The following ABCC12 variants were observed in gnomAD, a reference collection of about 807,000 sequenced individuals.
ABCC12 encodes ATP binding cassette subfamily C member 12.
A neutral mutation model predicts 151.1 loss-of-function variants in ABCC12; 142 were observed. The observed-to-expected ratio is 0.94, with a 90% CI of 0.82 to 1.08. The LOEUF is 1.08. ABCC12 is among the 50% of genes least tolerant of loss of function. The probability of loss-of-function intolerance (pLI) is 0.00; values close to 1 mark genes in which losing one functional copy is unlikely to be tolerated. For missense variants in ABCC12, 1,638 were observed against 1,691.1 expected, an observed-to-expected ratio of 0.97 and a Z score of 0.55; for synonymous variants, 645 against 646.4, an observed-to-expected ratio of 1.00 and a Z score of 0.03.
chr16:48,094,718 C>A (rs1963031600), intron 24 of ABCC12, among the ~76,000 whole-genome samples: 1 of 152,112 alleles, frequency 6.6e-6, no homozygotes, highest in South Asian at 2.1e-4. Flanking sequence ...CTGAATAGTC[C>A]CCTGCATAAA....
At chr16:48,123,032 A>C (rs1489109827) in intron 12 of ABCC12, among the ~76,000 whole-genome samples, 1 of 152,228 alleles carries the variant, frequency 6.6e-6, no homozygotes, top group African/African-American at 2.4e-5. Context: ...CTGCTTCCCC[A>C]GTGACCACAG....
chr16:48,091,061 T>C, intron 25 of ABCC12, 59 bp downstream of exon 25: 2 of 1,528,716 alleles, frequency 1.3e-6, no homozygotes, highest in Non-Finnish European at 1.8e-6. Context: ...AGATCCAGTA[T>C]TTGCCCAAGT....
Position 48,084,088 on chromosome 16 carries a change from A to G in ABCC12, c.3829-15T>C. ...AGGAGAATGATCTGTGGAGGAGGAA[A>G]CATTATAAGCCAAAGGCGCACTGAG... On this transcript the variant is annotated splice_polypyrimidine_tract_variant and intron_variant, in intron 29 of 30. Transcript: ENST00000311303. 1 of 1,598,074 alleles carries G rather than the reference A, an allele frequency of 6.3e-7. No individual in the cohort carries two copies.
At chr16:48,115,658 C>T in intron 14 of ABCC12, 40 bp from the exon 15 acceptor site, 5 of 1,572,640 alleles carry the variant, frequency 3.2e-6, no homozygotes, top group East Asian at 2.3e-5. Flanking sequence ...TGTCAGCCCA[C>T]CCTGAAGTTC....
chr16:48,152,873 C>A (rs1965135468), intron 2 of ABCC12, among the ~76,000 whole-genome samples: 1 of 152,134 alleles, frequency 6.6e-6, no homozygotes, highest in Middle Eastern at 3.2e-3. Context: ...GAGGAAACAT[C>A]CCAGATTAAA....
Position 48,138,234 on chromosome 16 carries a change from T to A in ABCC12, c.973A>T (p.Ile325Phe). 9 of 1,607,854 alleles carry A rather than the reference T, an allele frequency of 5.6e-6. No individual in the cohort carries two copies. Among genetic ancestry groups the A allele is most frequent in the Non-Finnish European group, 7.7e-6 (9 of 1,175,166 alleles). Residue 325 changes from isoleucine to phenylalanine, a missense_variant, in exon 8 of 31, where the codon ATC becomes TTC. Ile to Phe is a conservative substitution (Grantham distance 21, BLOSUM62 0). Coordinates refer to ENST00000311303, the MANE Select transcript of ABCC12 (RefSeq NM_001393797.1). ...YAWEKSFTNTIQDIRRRERKL... is the reference protein window; with the variant it reads ...YAWEKSFTNTFQDIRRRERKL... ...GCAGCTACTCTTGTCCTACCTTGGATAGTGTTGGTAAAAGATTTCTCCCAG... is the reference window on the plus strand; with the variant it reads ...GCAGCTACTCTTGTCCTACCTTGGAAAGTGTTGGTAAAAGATTTCTCCCAG...
chr16:48,111,732 G>T (rs1194673867), intron 16 of ABCC12, 44 bp downstream of exon 16: 4 of 1,613,958 alleles, frequency 2.5e-6, no homozygotes, highest in African/African-American at 1.3e-5. Context: ...AATCCTGAGG[G>T]ATTCCGCCCC....
chr16:48,105,657 G>A (rs1963468358), intron 20 of ABCC12, among the ~76,000 whole-genome samples: 2 of 152,214 alleles, frequency 1.3e-5, no homozygotes, highest in Non-Finnish European at 2.9e-5. Context: ...AAGCAATGCT[G>A]GGCTGGGAAG....
chr16:48,144,373 T>A (rs1964928639), intron 3 of ABCC12, among the ~76,000 whole-genome samples: 1 of 152,162 alleles, frequency 6.6e-6, no homozygotes, highest in African/African-American at 2.4e-5. Context: ...ATCACTTCCT[T>A]TTTTTGTTCT....
rs1964783949 is a variant in ABCC12, at chr16:48,140,880, G to T, written c.464C>A (p.Thr155Asn). 6.8e-6 allele frequency: 11 copies of T among 1,614,144 alleles called. No individual in the cohort carries two copies. The highest frequency in any genetic ancestry group is 9.3e-6 in the Non-Finnish European group (11 of 1,180,030). Reference protein sequence around the residue: ...IHQILQQTERTSGKVWVGIGL... With the variant: ...IHQILQQTERNSGKVWVGIGL... ...AATGCCAACCCAGACTTTCCCAGAG[G>T]TCCTCTCAGTCTGCTGGAGGATTTG... Residue 155 changes from threonine (T) to asparagine (N), a missense_variant, in exon 6 of 31, where the codon ACC becomes AAC. Physicochemically the swap from Thr to Asn is moderately conservative, Grantham distance 65 (BLOSUM62 0). Coordinates refer to ENST00000311303, the MANE Select transcript of ABCC12 (RefSeq NM_001393797.1).
At chr16:48,117,358 G>C (rs972224336) in intron 13 of ABCC12, 25 bp from the exon 14 acceptor site, 1 of 1,611,472 alleles carries the variant, frequency 6.2e-7, no homozygotes. Flanking sequence ...CTCAGAAGTA[G>C]CTGGGTGAGA....
intron 2 of ABCC12, among the ~76,000 whole-genome samples, chr16:48,148,011 G>A (rs965081363): frequency 1.1e-4 from 17 of 151,920 alleles, no homozygotes; most frequent in African/African-American, 3.1e-4. Flanking sequence ...GCAGTGGTGC[G>A]ATCTTGGCTA....
intron 7 of ABCC12, among the ~76,000 whole-genome samples, chr16:48,138,657 T>A (rs1431124353): frequency 6.6e-6 from 1 of 152,132 alleles, no homozygotes; most frequent in Non-Finnish European, 1.5e-5. Flanking sequence ...GCATTCAAAT[T>A]CAAGCTTTTT....
intron 8 of ABCC12, 48 bp from the exon 9 acceptor site, chr16:48,133,883 CA>C: frequency 6.2e-7 from 1 of 1,607,260 alleles, no homozygotes; most frequent in East Asian, 2.2e-5. Flanking sequence ...GCATGTCGAA[CA>C]CTAGCATTAT....
intron 14 of ABCC12, among the ~76,000 whole-genome samples, 199 bp downstream of exon 14, chr16:48,117,062 A>G (rs1963907037): frequency 6.6e-6 from 1 of 152,216 alleles, no homozygotes; most frequent in Non-Finnish European, 1.5e-5. Flanking sequence ...AACACCAGTA[A>G]GCTTGGTGCC....
chr16:48,132,443 G>A (rs553559243), intron 9 of ABCC12, among the ~76,000 whole-genome samples: 1 of 152,256 alleles, frequency 6.6e-6, no homozygotes, highest in South Asian at 2.1e-4. Context: ...CTTTGCAAAC[G>A]TCACCTCTTT....
intron 9 of ABCC12, among the ~76,000 whole-genome samples, chr16:48,132,239 C>T (rs184497823): frequency 2.5e-4 from 38 of 152,256 alleles, no homozygotes; most frequent in Non-Finnish European, 5.0e-4. Context: ...GTATCCTTGC[C>T]ATTCAATCTG....
intron 1 of ABCC12, among the ~76,000 whole-genome samples, chr16:48,154,397 G>A (rs1965156124): frequency 6.6e-6 from 1 of 152,026 alleles, no homozygotes; most frequent in African/African-American, 2.4e-5. Flanking sequence ...ACTGGCTTCT[G>A]GCTTTCGTCA....
chr16:48,104,427 GCT>G (rs1369264432), intron 21 of ABCC12, 59 bp from the exon 22 acceptor site: 1 of 1,501,934 alleles, frequency 6.7e-7, no homozygotes, highest in Non-Finnish European at 9.3e-7. Flanking sequence ...AAACCCTGCT[GCT>G]CTGCTGGAGG....
Sources: gnomAD v4.1 joint callset for allele counts (sites outside exome capture counted in the v4.1 genomes callset) on GRCh38, gnomAD v4.1.1 for gene constraint, MANE v1.5 for transcripts, NCBI Gene and HGNC (gene_info 2026-07-23, HGNC 2026-07-21) for gene names.